The following ATP13A5 variants were observed in gnomAD, a reference collection of about 807,000 sequenced individuals.
ATP13A5 encodes probable cation-transporting ATPase 13A5.
A neutral mutation model predicts 150.2 loss-of-function variants in ATP13A5; 149 were observed. The ratio of observed to expected loss-of-function variants is 0.99; its 90% CI spans 0.87 to 1.14. The LOEUF (loss-of-function observed/expected upper bound fraction) is 1.14. Ranked by LOEUF, ATP13A5 falls within the 50% of genes most tolerant of loss-of-function variation. The pLI is 0.00. For synonymous variants in ATP13A5, 497 were observed against 522.2 expected (o/e 0.95, Z 0.66); for missense variants, 1,383 against 1,449.3 (o/e 0.95, Z 0.74).
At chr3:193,343,599 T>A (rs1040606353) in intron 9 of ATP13A5, among the ~76,000 whole-genome samples, 1 of 152,192 alleles carries the variant, frequency 6.6e-6, no homozygotes, top group Admixed American at 6.5e-5. Context: ...ACCATTCTCA[T>A]GTTTATGAAG....
chr3:193,368,715 C>A (rs1229699546), intron 1 of ATP13A5, among the ~76,000 whole-genome samples: 2 of 152,036 alleles, frequency 1.3e-5, no homozygotes, highest in Non-Finnish European at 2.9e-5. Context: ...CAGAGCAAAA[C>A]GAATAGCACT....
At chr3:193,291,779 G>T (rs1245000249) in intron 25 of ATP13A5, among the ~76,000 whole-genome samples, 2 of 152,044 alleles carry the variant, frequency 1.3e-5, no homozygotes, top group African/African-American at 2.4e-5. Flanking sequence ...TGCCAAGAGG[G>T]TGAGGCATCC....
intron 25 of ATP13A5, among the ~76,000 whole-genome samples, chr3:193,297,289 A>G (rs962461736): frequency 1.3e-5 from 2 of 151,986 alleles, no homozygotes; most frequent in African/African-American, 4.8e-5. Context: ...GGCTTAATGT[A>G]AGGGAAGAAA....
chr3:193,319,891 G>C (rs1211229632), intron 16 of ATP13A5, among the ~76,000 whole-genome samples: 2 of 151,870 alleles, frequency 1.3e-5, no homozygotes, highest in Non-Finnish European at 2.9e-5. Context: ...CTGCTTTAAG[G>C]CTTCAGTGAC....
chr3:193,348,928 G>A (rs1712457282), intron 7 of ATP13A5, among the ~76,000 whole-genome samples: 1 of 152,196 alleles, frequency 6.6e-6, no homozygotes, highest in African/African-American at 2.4e-5. Flanking sequence ...GTTACTGGGT[G>A]AGTGTGAGTA....
At chr3:193,323,267 T>C (rs555947477) in intron 14 of ATP13A5, 1 of 152,250 alleles carries the variant, frequency 6.6e-6, no homozygotes, top group East Asian at 1.9e-4. Context: ...TTCTGAAAAA[T>C]ATTCTGACAT....
chr3:193,310,804 G>T (rs1718815609), intron 20 of ATP13A5, 87 bp from the exon 21 acceptor site: 3 of 959,774 alleles, frequency 3.1e-6, no homozygotes, highest in African/African-American at 1.7e-5. Context: ...ATCACTCCTG[G>T]TTACTAATTT....
intron 1 of ATP13A5, among the ~76,000 whole-genome samples, chr3:193,369,502 G>C (rs186188943): frequency 3.9e-5 from 6 of 152,094 alleles, no homozygotes; most frequent in East Asian, 1.9e-4. Context: ...AGGAAAATTA[G>C]ATTGTATAAA....
intron 1 of ATP13A5, among the ~76,000 whole-genome samples, chr3:193,367,569 A>G (rs1413103897): frequency 6.6e-6 from 1 of 152,176 alleles, no homozygotes; most frequent in East Asian, 1.9e-4. Context: ...GAACATAGAT[A>G]AAATAATTCT....
At chr3:193,356,529 G>C (rs1712796954) in intron 5 of ATP13A5, among the ~76,000 whole-genome samples, 1 of 152,034 alleles carries the variant, frequency 6.6e-6, no homozygotes, top group Non-Finnish European at 1.5e-5. Flanking sequence ...AGGACTGCTT[G>C]ACCTCAGGAG....
At chr3:193,293,927 GAATGGCTGGCCTA>G (rs904027746) in intron 25 of ATP13A5, among the ~76,000 whole-genome samples, 1 of 152,058 alleles carries the variant, frequency 6.6e-6, no homozygotes, top group Admixed American at 6.6e-5. Context: ...CTAGGGGCTG[GAATGGCTGGCCTA>G]AATGGATCTG....
intron 13 of ATP13A5, among the ~76,000 whole-genome samples, chr3:193,326,280 C>T (rs1719464894): frequency 6.6e-6 from 1 of 152,124 alleles, no homozygotes. Flanking sequence ...AGGGAGATAC[C>T]ATGAGGAGAT....
At chr3:193,322,200 C>T (rs1429163067) in intron 15 of ATP13A5, among the ~76,000 whole-genome samples, 1 of 152,184 alleles carries the variant, frequency 6.6e-6, no homozygotes, top group African/African-American at 2.4e-5. Context: ...CACTTATCTG[C>T]ACCTATATTG....
At chr3:193,355,343 G>T (rs1219903472) in intron 5 of ATP13A5, among the ~76,000 whole-genome samples, 1 of 152,036 alleles carries the variant, frequency 6.6e-6, no homozygotes, top group East Asian at 1.9e-4. Context: ...CATATTATTA[G>T]CACTTATTGT....
intron 7 of ATP13A5, among the ~76,000 whole-genome samples, chr3:193,348,425 A>G (rs1489762971): frequency 2.0e-5 from 3 of 152,120 alleles, no homozygotes; most frequent in African/African-American, 7.2e-5. Flanking sequence ...TGTGGGCCAG[A>G]TACTCCCAAT....
chr3:193,361,780 G>A (rs1311221064), intron 5 of ATP13A5, among the ~76,000 whole-genome samples: 1 of 152,162 alleles, frequency 6.6e-6, no homozygotes, highest in Non-Finnish European at 1.5e-5. Flanking sequence ...TTTCTGACTA[G>A]TCCGTGTCTC....
intron 5 of ATP13A5, among the ~76,000 whole-genome samples, chr3:193,361,733 T>G (rs1521276): frequency 0.39 from 59,074 of 152,012 alleles, 11,956 homozygotes; most frequent in East Asian, 0.57. Context: ...CATCTATAGG[T>G]ACCAATCTCA....
chr3:193,358,590 A>G (rs1235580876), intron 5 of ATP13A5, among the ~76,000 whole-genome samples: 1 of 152,260 alleles, frequency 6.6e-6, no homozygotes, highest in East Asian at 1.9e-4. Context: ...TCTCCATTCT[A>G]CAAATGACAT....
Position 193,378,713 on chromosome 3 carries a change from T to C in ATP13A5, c.13A>G (p.Ser5Gly), listed in dbSNP as rs1298011580. The change falls in exon 1 of 30, where the codon AGT becomes GGT. Residue 5 changes from serine (S) to glycine (G), a missense_variant. This residue lies in a region of ATP13A5 where 787 missense variants were observed against 771.9 expected (regional missense o/e 1.02). Coordinates refer to ENST00000342358, the MANE Select transcript of ATP13A5 (RefSeq NM_198505.4). ...AGCAAAGCCCGATGGTCCTTCTTAC[T>C]GTTCTCTTCCATCTGAACTCAACCG... is the stretch of plus-strand genomic sequence containing the variant. MEEN[S>G]KKDHRALLNQ... is the part of the protein sequence containing the mutation. 7 of 1,613,888 alleles carry C rather than the reference T, an allele frequency of 4.3e-6. No homozygotes were observed. Among genetic ancestry groups the C allele is most frequent in the South Asian group, 2.2e-5 (2 of 91,062 alleles).
Sources: allele counts gnomAD v4.1 joint callset (sites outside exome capture counted in the v4.1 genomes callset), GRCh38; gene constraint gnomAD v4.1.1; regional missense constraint gnomAD v4.1.1; transcripts MANE v1.5; gene names NCBI Gene and HGNC (gene_info 2026-07-23, HGNC 2026-07-21).